LRRC37A: variants seen among roughly 807,000 people sequenced by gnomAD.
LRRC37A encodes the protein leucine rich repeat containing 37A.
A neutral mutation model predicts 35.4 loss-of-function variants in LRRC37A; 3 were observed. The ratio of observed to expected loss-of-function variants is 0.08; its 90% CI spans 0.04 to 0.22. LRRC37A has a LOEUF of 0.22. Ranked by LOEUF, LRRC37A falls within the 10% of genes least tolerant of loss-of-function variation. The pLI is 1.00. For missense variants in LRRC37A, 67 were observed against 565.3 expected, an observed-to-expected ratio of 0.12 and a Z score of 8.94; for synonymous variants, 23 against 215.0, an observed-to-expected ratio of 0.11 and a Z score of 7.81.
chr17:46,289,485 T>C (rs767357349), upstream of LRRC37A, among the ~76,000 whole-genome samples: 40 of 152,316 alleles, frequency 2.6e-4, no homozygotes, highest in South Asian at 4.1e-4. Context: ...AGAATATTTC[T>C]TAAAATCTGA....
At chr17:46,283,729 G>T in the LRRC37A span, among the ~76,000 whole-genome samples, 2 of 152,314 alleles carry the variant, frequency 1.3e-5, no homozygotes, top group African/African-American at 4.8e-5. Context: ...AGGGGGCCCA[G>T]GGTACCTGCG....
At chr17:46,287,671 A>C in the LRRC37A span, among the ~76,000 whole-genome samples, 1 of 152,274 alleles carries the variant, frequency 6.6e-6, no homozygotes, top group Admixed American at 6.5e-5. Flanking sequence ...CAATGTGGGC[A>C]GTGGCCTGGC....
chr17:46,291,985 A>AAAAAAAAAAC (rs1360524355), upstream of LRRC37A, among the ~76,000 whole-genome samples: 17,342 of 70,280 alleles, frequency 0.25, 2,732 homozygotes, highest in Non-Finnish European at 0.38. Flanking sequence ...AAAAAAAAAA[A>AAAAAAAAAAC]AAGCCAATAA....
the LRRC37A span, among the ~76,000 whole-genome samples, chr17:46,253,072 A>G: frequency 1.2e-4 from 13 of 112,736 alleles, 1 homozygote; most frequent in African/African-American, 1.8e-4. Context: ...CTTCTCAGAC[A>G]GGGCGGTTGC....
chr17:46,250,374 A>G, the LRRC37A span, among the ~76,000 whole-genome samples: 2 of 152,362 alleles, frequency 1.3e-5, no homozygotes, highest in African/African-American at 2.4e-5. Context: ...AGGATACAAA[A>G]TATTGATCTT....
chr17:46,284,789 G>A, the LRRC37A span, among the ~76,000 whole-genome samples: 65 of 152,342 alleles, frequency 4.3e-4, no homozygotes, highest in African/African-American at 1.6e-3. Flanking sequence ...TTGAGACTAC[G>A]ATTCCCTTTT....
the LRRC37A span, chr17:46,267,091 C>CTGCGCT: frequency 5.2e-6 from 2 of 383,664 alleles, no homozygotes; most frequent in Non-Finnish European, 9.0e-6. Flanking sequence ...GCGCCGAGCT[C>CTGCGCT]TGCGCTTGCG....
chr17:46,257,556 G>A, the LRRC37A span, among the ~76,000 whole-genome samples: 1 of 151,560 alleles, frequency 6.6e-6, no homozygotes, highest in East Asian at 1.9e-4. Flanking sequence ...GCTCATGCCT[G>A]TAATACCAGC....
rs2051685033 is a variant in LRRC37A, at chr17:46,325,558, AC to A, written c.3053+2532del. Among the ~76,000 whole-genome samples the A allele has an allele frequency of 3.7e-5, 3 of 82,058 alleles. 1 individual carries two copies. Among genetic ancestry groups the A allele is most frequent in the African/African-American group, 3.1e-5 (1 of 32,210 alleles). 53.8% of individuals were successfully genotyped at this position (82,058 alleles called of 152,430 possible). ...ATTGAAGGAGACTAAAGAATCATGTACTAAGTGTAATGTCTGATGTTTGATT... is the reference window on the plus strand; with the variant it reads ...ATTGAAGGAGACTAAAGAATCATGTATAAGTGTAATGTCTGATGTTTGATT... On this transcript the variant is annotated intron_variant, in intron 7 of 13. Transcript: ENST00000320254.
At chr17:46,315,874 T>C (rs1404479856) in intron 5 of LRRC37A, among the ~76,000 whole-genome samples, 1 of 57,824 alleles carries the variant, frequency 1.7e-5, no homozygotes, top group Non-Finnish European at 4.5e-5. Flanking sequence ...ATACCTTATG[T>C]TCATCAACTA....
upstream of LRRC37A, among the ~76,000 whole-genome samples, chr17:46,292,356 G>A (rs200371489): frequency 5.1e-5 from 4 of 78,084 alleles, no homozygotes; most frequent in Admixed American, 2.7e-4. Flanking sequence ...AAAAGAAAAG[G>A]AAAACAACTC....
chr17:46,276,530 A>G, the LRRC37A span, among the ~76,000 whole-genome samples: 1 of 152,226 alleles, frequency 6.6e-6, no homozygotes, highest in Non-Finnish European at 1.5e-5. Context: ...TAAGAAAAGA[A>G]AGAATATGGA....
chr17:46,252,620 C>T, the LRRC37A span, among the ~76,000 whole-genome samples: 1 of 149,456 alleles, frequency 6.7e-6, no homozygotes, highest in Non-Finnish European at 1.5e-5. Context: ...CAAAGCACAT[C>T]TTGCACCGCC....
At chr17:46,271,332 A>ATTTTTTTTTTTTTT in the LRRC37A span, among the ~76,000 whole-genome samples, 7 of 125,642 alleles carry the variant, frequency 5.6e-5, no homozygotes, top group South Asian at 2.4e-4. Context: ...TACCTAGCTA[A>ATTTTTTTTTTTTTT]TTTTTTTTTT....
chr17:46,288,706 CTT>C (rs199591277), upstream of LRRC37A, among the ~76,000 whole-genome samples: 25 of 138,992 alleles, frequency 1.8e-4, no homozygotes, highest in Middle Eastern at 3.7e-3. Context: ...CTTGTTTTTT[CTT>C]TTTTTTTTTT....
chr17:46,266,821 C>A, the LRRC37A span, among the ~76,000 whole-genome samples: 31 of 151,776 alleles, frequency 2.0e-4, no homozygotes, highest in South Asian at 1.0e-3. Context: ...CTCCCACAGG[C>A]CCGCGCCTGG....
chr17:46,280,521 T>C, the LRRC37A span, among the ~76,000 whole-genome samples: 1 of 151,586 alleles, frequency 6.6e-6, no homozygotes, highest in Non-Finnish European at 1.5e-5. Context: ...ATTAAAAATA[T>C]ATATTATTAA....
At chr17:46,287,365 A>G in the LRRC37A span, among the ~76,000 whole-genome samples, 1 of 152,288 alleles carries the variant, frequency 6.6e-6, no homozygotes, top group Non-Finnish European at 1.5e-5. Context: ...AGCCATTTCA[A>G]TATCAGGGCT....
At chr17:46,266,830 G>T in the LRRC37A span, among the ~76,000 whole-genome samples, 3 of 151,494 alleles carry the variant, frequency 2.0e-5, no homozygotes, top group Non-Finnish European at 4.4e-5. Context: ...GCCCGCGCCT[G>T]GCGCAAGCCG....
Sources: gnomAD v4.1 joint callset for allele counts (sites outside exome capture counted in the v4.1 genomes callset) on GRCh38, gnomAD v4.1.1 for gene constraint, MANE v1.5 for transcripts, NCBI Gene and HGNC (gene_info 2026-07-23, HGNC 2026-07-21) for gene names.